Variants in MAP4K3 observed in about 807,000 individuals in gnomAD.
MAP4K3 encodes mitogen-activated protein kinase kinase kinase kinase 3, also known as MAPK/ERK kinase kinase kinase 3.
Under a neutral mutation model 143.5 loss-of-function variants are expected in MAP4K3, and 94 were observed. The observed-to-expected ratio is 0.65, with a 90% CI of 0.55 to 0.78. The LOEUF (loss-of-function observed/expected upper bound fraction) is 0.78, where lower values mean the gene tolerates loss of function less well. Among genes scored for constraint, MAP4K3 ranks in the 30% least tolerant of loss-of-function variants. The pLI, the probability that MAP4K3 is intolerant of heterozygous loss-of-function variation, is 0.00. For synonymous variants in MAP4K3, 416 were observed against 347.2 expected, an observed-to-expected ratio of 1.20 and a Z score of -2.20; for missense variants, 1,077 against 1,068.1, an observed-to-expected ratio of 1.01 and a Z score of -0.12.
At chr2:39,312,079 T>C (rs1682959560) in intron 13 of MAP4K3, among the ~76,000 whole-genome samples, 1 of 151,958 alleles carries the variant, frequency 6.6e-6, no homozygotes, top group African/African-American at 2.4e-5. Context: ...AATATGGGAG[T>C]TGATTTAAAA....
intron 6 of MAP4K3, among the ~76,000 whole-genome samples, chr2:39,336,471 CAAAAAAAAAAA>C (rs55780656): frequency 6.5e-3 from 250 of 38,674 alleles, no homozygotes; most frequent in South Asian, 0.058. Flanking sequence ...GACTCCATCT[CAAAAAAAAAAA>C]AAAAAAAAAA....
chr2:39,308,743 G>C (rs1682810071), intron 14 of MAP4K3, among the ~76,000 whole-genome samples: 1 of 151,870 alleles, frequency 6.6e-6, no homozygotes, highest in Admixed American at 6.6e-5. Flanking sequence ...ATCTGGAAAG[G>C]AGTATATAAA....
chr2:39,384,583 A>G (rs933789989), intron 1 of MAP4K3, among the ~76,000 whole-genome samples: 3 of 152,196 alleles, frequency 2.0e-5, no homozygotes, highest in Admixed American at 2.0e-4. Context: ...AAAACCCAGC[A>G]TTGTCCAAAA....
intron 24 of MAP4K3, among the ~76,000 whole-genome samples, chr2:39,272,766 G>A (rs893390939): frequency 2.0e-5 from 3 of 152,074 alleles, no homozygotes; most frequent in South Asian, 2.1e-4. Context: ...GCCTAAACAC[G>A]ATATGATCAG....
At chr2:39,432,364 C>T (rs1558355339) in intron 1 of MAP4K3, among the ~76,000 whole-genome samples, 2 of 152,164 alleles carry the variant, frequency 1.3e-5, no homozygotes, top group South Asian at 2.1e-4. Context: ...GAAAAATTAC[C>T]TCGCTACCTG....
chr2:39,309,413 T>A (rs1257446253), intron 14 of MAP4K3, 48 bp downstream of exon 14: 1 of 1,409,286 alleles, frequency 7.1e-7, no homozygotes, highest in African/African-American at 1.4e-5. Context: ...CAAAAACAAA[T>A]TAAAACATTT....
chr2:39,399,005 T>G (rs1004155465), intron 1 of MAP4K3, among the ~76,000 whole-genome samples: 1 of 147,232 alleles, frequency 6.8e-6, no homozygotes, highest in African/African-American at 2.5e-5. Context: ...GATCATGCCA[T>G]TGCACTCCAG....
intron 1 of MAP4K3, among the ~76,000 whole-genome samples, chr2:39,395,038 A>C (rs1666766523): frequency 6.6e-6 from 1 of 152,212 alleles, no homozygotes; most frequent in Non-Finnish European, 1.5e-5. Context: ...ATTATTTTTA[A>C]GACCAGATAA....
intron 22 of MAP4K3, among the ~76,000 whole-genome samples, chr2:39,281,970 C>CGT (rs1282503414): frequency 2.1e-4 from 32 of 151,874 alleles, no homozygotes; most frequent in African/African-American, 7.5e-4. Flanking sequence ...GAGGTGCACA[C>CGT]ATCACCTGAG....
At chr2:39,259,468 C>A (rs1680478999) in intron 29 of MAP4K3, among the ~76,000 whole-genome samples, 1 of 152,152 alleles carries the variant, frequency 6.6e-6, no homozygotes, top group Admixed American at 6.5e-5. Context: ...AAAAAGGTAA[C>A]ATCACCTCAG....
chr2:39,296,678 T>C (rs977256509), intron 16 of MAP4K3, among the ~76,000 whole-genome samples: 3 of 152,184 alleles, frequency 2.0e-5, no homozygotes, highest in Non-Finnish European at 4.4e-5. Flanking sequence ...ACTGCTCTGA[T>C]TACATTTCAA....
chr2:39,436,696 C>G, intron 1 of MAP4K3, 196 bp downstream of exon 1: 2 of 586,130 alleles, frequency 3.4e-6, no homozygotes, highest in South Asian at 4.0e-5. Flanking sequence ...CAGGTAAGGG[C>G]TGGGGAGGTC....
At chr2:39,286,390 G>A (rs1681777939) in intron 21 of MAP4K3, among the ~76,000 whole-genome samples, 1 of 152,190 alleles carries the variant, frequency 6.6e-6, no homozygotes, top group African/African-American at 2.4e-5. Flanking sequence ...CTGGTCTGCG[G>A]CCCAGGGGTT....
At chr2:39,319,864 C>A (rs1257626640) in intron 12 of MAP4K3, among the ~76,000 whole-genome samples, 1 of 152,148 alleles carries the variant, frequency 6.6e-6, no homozygotes, top group Non-Finnish European at 1.5e-5. Context: ...TTTACCATTT[C>A]TAAAATTTAT....
intron 1 of MAP4K3, among the ~76,000 whole-genome samples, chr2:39,430,243 C>A (rs894898208): frequency 6.6e-6 from 1 of 152,120 alleles, no homozygotes; most frequent in African/African-American, 2.4e-5. Flanking sequence ...ATCCTTTATA[C>A]AGAAAGAATT....
intron 1 of MAP4K3, among the ~76,000 whole-genome samples, chr2:39,392,419 T>C (rs1272088038): frequency 1.3e-5 from 2 of 152,190 alleles, no homozygotes; most frequent in African/African-American, 2.4e-5. Context: ...ATATAAATTA[T>C]CTATAAAGCA....
chr2:39,276,766 T>C (rs1006222641), intron 24 of MAP4K3, among the ~76,000 whole-genome samples: 1 of 152,224 alleles, frequency 6.6e-6, no homozygotes, highest in Non-Finnish European at 1.5e-5. Flanking sequence ...TGTTTTATGT[T>C]CCTGACTCGT....
chr2:39,313,588 T>C (rs1683015152), intron 13 of MAP4K3, among the ~76,000 whole-genome samples: 1 of 152,178 alleles, frequency 6.6e-6, no homozygotes, highest in Non-Finnish European at 1.5e-5. Flanking sequence ...CTCAGCTCAC[T>C]GCAGCCCTCT....
chr2:39,268,859 C>T (rs959482837), intron 26 of MAP4K3, among the ~76,000 whole-genome samples: 5 of 151,886 alleles, frequency 3.3e-5, no homozygotes, highest in South Asian at 2.1e-4. Flanking sequence ...AGGTTGGTCT[C>T]GAACTCCTGA....
Sources: allele counts gnomAD v4.1 joint callset (sites outside exome capture counted in the v4.1 genomes callset), GRCh38; gene constraint gnomAD v4.1.1; transcripts MANE v1.5; gene names NCBI Gene and HGNC (gene_info 2026-07-23, HGNC 2026-07-21).